The following AQR variants were observed in gnomAD, a reference collection of about 807,000 sequenced individuals.
AQR encodes aquarius intron-binding spliceosomal factor, also known as RNA helicase aquarius.
A neutral mutation model predicts 180.5 loss-of-function variants in AQR; 61 were observed. The ratio of observed to expected loss-of-function variants is 0.34; its 90% CI spans 0.28 to 0.42. AQR has a LOEUF of 0.42. Among genes scored for constraint, AQR ranks in the 10% least tolerant of loss-of-function variants. The pLI is 1.00. For missense variants in AQR, 1,281 were observed against 1,798.3 expected, an observed-to-expected ratio of 0.71 and a Z score of 5.20; for synonymous variants, 551 against 588.8, an observed-to-expected ratio of 0.94 and a Z score of 0.93.
chr15:34,863,258 G>A, intron 32 of AQR: 1 of 448,006 alleles, frequency 2.2e-6, no homozygotes, highest in Non-Finnish European at 4.0e-6. Context: ...GTTTTTTGAA[G>A]GGGAGGATCA....
intron 3 of AQR, among the ~76,000 whole-genome samples, chr15:34,954,877 C>A (rs1328542907): frequency 1.3e-5 from 2 of 152,042 alleles, no homozygotes; most frequent in African/African-American, 4.8e-5. Flanking sequence ...TAATCCTAAA[C>A]TTTGGGAGGC....
Position 34,918,193 on chromosome 15 carries a change from C to A in AQR, c.1342+65G>T, listed in dbSNP as rs553388395. 155 of 1,561,166 alleles carry A rather than the reference C, an allele frequency of 9.9e-5. 1 individual carries two copies. The South Asian group carries it at 1.7e-3, about 17-fold the overall frequency. Reference sequence around the variant, plus strand: ...ACTCAAGTACACTGCCTATAATTGCCAATTATATATGATAAATCTGAAATT... The same window carrying A: ...ACTCAAGTACACTGCCTATAATTGCAAATTATATATGATAAATCTGAAATT... On this transcript the variant is annotated intron_variant, in intron 15 of 34. Coordinates refer to ENST00000156471, the MANE Select transcript of AQR (RefSeq NM_014691.3).
chr15:34,914,664 C>G (rs1442628505), intron 16 of AQR, among the ~76,000 whole-genome samples: 3 of 152,176 alleles, frequency 2.0e-5, no homozygotes, highest in Admixed American at 2.0e-4. Context: ...TCATAAGCTT[C>G]CTCCAGGACT....
At chr15:34,952,803 G>A in intron 4 of AQR, 82 bp downstream of exon 4, 1 of 936,496 alleles carries the variant, frequency 1.1e-6, no homozygotes, top group Middle Eastern at 2.2e-4. Context: ...TTTTCTTAGT[G>A]ACTCACAGAA....
intron 24 of AQR, among the ~76,000 whole-genome samples, chr15:34,888,260 T>TAC (rs1303364985): frequency 6.6e-6 from 1 of 151,942 alleles, no homozygotes; most frequent in African/African-American, 2.4e-5. Context: ...ATCATACCAC[T>TAC]ACACTCCAGC....
intron 11 of AQR, 92 bp from the exon 12 acceptor site, chr15:34,930,463 TCTCAGA>T: frequency 1.5e-6 from 1 of 672,452 alleles, no homozygotes; most frequent in South Asian, 2.6e-5. Context: ...TCATACAGTT[TCTCAGA>T]GGTGCTGAAA....
chr15:34,875,825 G>A, intron 28 of AQR, 110 bp downstream of exon 28: 1 of 766,700 alleles, frequency 1.3e-6, no homozygotes, highest in Non-Finnish European at 2.1e-6. Context: ...TGAAGTTAAG[G>A]AAAATACATA....
chr15:34,949,310 T>G lies in AQR; in HGVS notation c.210-926A>C, dbSNP rs149532803. On this transcript the variant is annotated intron_variant, in intron 4 of 34. Transcript: ENST00000156471. ...TACACTGGGCCTTTAACTTTAAGGC[T>G]CTTCTTAAAGTAAAAGTTGGCCAGG... Among the ~76,000 whole-genome samples, 4 of 63,700 alleles carry G rather than the reference T, an allele frequency of 6.3e-5. No homozygotes were observed. In the East Asian group the frequency reaches 2.6e-3, roughly 42 times the overall value. 41.8% of individuals were successfully genotyped at this position (63,700 alleles called of 152,430 possible). A position where few individuals can be genotyped will look rare whatever the true frequency, so the allele number is the denominator to read the frequency against.
intron 30 of AQR, among the ~76,000 whole-genome samples, chr15:34,871,182 T>A (rs1892810876): frequency 6.6e-6 from 1 of 152,098 alleles, no homozygotes; most frequent in African/African-American, 2.4e-5. Flanking sequence ...AGGCTTAATA[T>A]TCCTAAGACC....
intron 18 of AQR, among the ~76,000 whole-genome samples, chr15:34,906,041 A>C (rs552724825): frequency 1.3e-5 from 2 of 151,740 alleles, no homozygotes; most frequent in African/African-American, 4.8e-5. Context: ...CTTGGGGGGA[A>C]AAAAAGAAAA....
At chr15:34,931,767 C>CACT (rs1229726960) in intron 11 of AQR, among the ~76,000 whole-genome samples, 1 of 152,156 alleles carries the variant, frequency 6.6e-6, no homozygotes, top group African/African-American at 2.4e-5. Flanking sequence ...GAGATCATGC[C>CACT]ACTGCCACTG....
At chr15:34,897,109 C>T in intron 21 of AQR, 143 bp from the exon 22 acceptor site, 1 of 653,088 alleles carries the variant, frequency 1.5e-6, no homozygotes, top group South Asian at 2.0e-5. Flanking sequence ...ACTCCCTTCA[C>T]CTCTACCCCT....
Position 34,860,118 on chromosome 15 carries a change from T to C in AQR, c.4067A>G (p.Lys1356Arg), listed in dbSNP as rs758025675. 16 of 1,531,566 alleles carry C rather than the reference T, an allele frequency of 1.0e-5. No homozygotes were observed. Among genetic ancestry groups the C allele is most frequent in the Middle Eastern group, 3.5e-4 (2 of 5,716 alleles). 94.9% of individuals were successfully genotyped at this position (1,531,566 alleles called of 1,614,324 possible). A position where few individuals can be genotyped will look rare whatever the true frequency, so the allele number is the denominator to read the frequency against. ...AAAGTTTGCCATCTGGGGCATATTT[T>C]TTATTATTTGTACTTCATGAGATGG... ...ERPSHEVQII[K>R]NMPQMANFVY... Residue 1356 changes from lysine to arginine, a missense_variant, in exon 34 of 35, where the codon AAA becomes AGA. Around this residue, in one of 9 missense-constraint regions of AQR, gnomAD observed 182 missense variants for 185.3 expected, o/e 0.98. Coordinates refer to ENST00000156471, the MANE Select transcript of AQR (RefSeq NM_014691.3).
At chr15:34,954,049 G>A (rs543701350) in intron 3 of AQR, among the ~76,000 whole-genome samples, 14 of 151,688 alleles carry the variant, frequency 9.2e-5, no homozygotes, top group Admixed American at 8.5e-4. Flanking sequence ...TGAGTAGCTG[G>A]GATTACAGTC....
chr15:34,911,288 T>C (rs975786428), intron 16 of AQR, among the ~76,000 whole-genome samples: 27 of 152,202 alleles, frequency 1.8e-4, no homozygotes, highest in African/African-American at 5.8e-4. Flanking sequence ...GTGATTTTAT[T>C]TCCTTTGGAT....
chr15:34,935,320 T>G (rs1893929401), intron 9 of AQR, among the ~76,000 whole-genome samples: 2 of 152,196 alleles, frequency 1.3e-5, no homozygotes, highest in Non-Finnish European at 2.9e-5. Flanking sequence ...AAAAGCTTTT[T>G]TTCTAATGCC....
chr15:34,884,667 G>A lies in AQR; in HGVS notation c.2885C>T (p.Thr962Met), dbSNP rs764258489. The change falls in exon 26 of 35, where the codon ACG (threonine) becomes ATG (methionine). Residue 962 changes from threonine to methionine, a missense_variant. This residue lies in a region of AQR where 125 missense variants were observed against 185.0 expected (regional missense o/e 0.68). Transcript: ENST00000156471. Reference sequence around the variant, plus strand: ...GAAAGGGAAGAAAGTGGAGACTTCCGTAACATCTGGCAATGTACTACCTTT... The same window carrying A: ...GAAAGGGAAGAAAGTGGAGACTTCCATAACATCTGGCAATGTACTACCTTT... ...KNKGSTLPDVTEVSTFFPFHE... is the reference protein window; with the variant it reads ...KNKGSTLPDVMEVSTFFPFHE... The A allele has an allele frequency of 1.6e-5, 25 of 1,612,318 alleles. No homozygotes were observed. Among genetic ancestry groups the A allele is most frequent in the Admixed American group, 5.0e-5 (3 of 59,680 alleles).
At chr15:34,897,045 T>C (rs931264716) in intron 21 of AQR, 79 bp from the exon 22 acceptor site, 14 of 1,164,306 alleles carry the variant, frequency 1.2e-5, no homozygotes, top group Non-Finnish European at 7.6e-6. Flanking sequence ...CAATGACCAG[T>C]GGTCTAAATA....
intron 23 of AQR, 56 bp downstream of exon 23, chr15:34,893,607 G>GCGCGCACACACA: frequency 1.0e-6 from 1 of 997,688 alleles, no homozygotes; most frequent in East Asian, 2.8e-5. Flanking sequence ...GCGCATGCGT[G>GCGCGCACACACA]CACACACACA....
Sources: allele counts gnomAD v4.1 joint callset (sites outside exome capture counted in the v4.1 genomes callset), GRCh38; gene constraint gnomAD v4.1.1; regional missense constraint gnomAD v4.1.1; transcripts MANE v1.5; gene names NCBI Gene and HGNC (gene_info 2026-07-23, HGNC 2026-07-21).